The following RAB11FIP1 variants were observed in gnomAD, a reference collection of about 807,000 sequenced individuals.
RAB11FIP1 encodes rab11 family-interacting protein 1.
RAB11FIP1 carries 49 observed loss-of-function variants against 83.1 expected under a neutral mutation model. That is an observed-to-expected ratio of 0.59 (90% CI 0.47 to 0.75). The LOEUF is 0.75. Ranked by LOEUF, RAB11FIP1 falls within the 30% of genes least tolerant of loss-of-function variation. RAB11FIP1 has a pLI of 0.00. For missense variants in RAB11FIP1, 1,536 were observed against 1,598.7 expected (o/e 0.96, Z 0.67); for synonymous variants, 670 against 656.0 (o/e 1.02, Z -0.33).
intron 1 of RAB11FIP1, among the ~76,000 whole-genome samples, chr8:37,892,327 A>AGAATGG (rs1466657061): frequency 6.6e-6 from 1 of 152,120 alleles, no homozygotes; most frequent in East Asian, 1.9e-4. Flanking sequence ...TTGTCTGTCC[A>AGAATGG]ATTCTAGGTT....
intron 1 of RAB11FIP1, among the ~76,000 whole-genome samples, chr8:37,894,651 C>T (rs987822638): frequency 6.7e-6 from 1 of 150,070 alleles, no homozygotes; most frequent in Non-Finnish European, 1.5e-5. Context: ...AATTTTGTTG[C>T]TCTTAGTATC....
Position 37,877,138 on chromosome 8 carries a change from T to C in RAB11FIP1, c.785A>G (p.Asn262Ser), listed in dbSNP as rs1806632186. The change falls in exon 2 of 6, where the codon AAT becomes AGT. Residue 262 changes from asparagine to serine, a missense_variant. Asn to Ser is a conservative substitution (Grantham distance 46). Coordinates refer to ENST00000330843, the MANE Select transcript of RAB11FIP1 (RefSeq NM_001002814.3). ...DFQSQWDEDDNEDESSSASDV... is the reference protein window; with the variant it reads ...DFQSQWDEDDSEDESSSASDV... ...CGAGGCCGAGGAGGACTCATCCTCA[T>C]TGTCATCTTCATCCCACTGGGACTG... is the stretch of plus-strand genomic sequence containing the variant. 6.2e-7 allele frequency: 1 copy of C among 1,613,944 alleles called. No homozygotes were observed. Among genetic ancestry groups the C allele is most frequent in the East Asian group, 2.2e-5 (1 of 44,864 alleles).
chr8:37,871,968 G>A lies in RAB11FIP1; in HGVS notation c.2834C>T (p.Ser945Leu), dbSNP rs769171713. ...GGCCATGATTGGAGATTTAAAATCTGAGACCAACTGAAGGTCACTCAAGGG... is the reference window on the plus strand; with the variant it reads ...GGCCATGATTGGAGATTTAAAATCTAAGACCAACTGAAGGTCACTCAAGGG... ...SDPLSDLQLV[S>L]DFKSPIMADL... The change falls in exon 4 of 6, where the codon TCA (serine) becomes TTA (leucine). Residue 945 changes from serine (S) to leucine (L), a missense_variant. Transcript: ENST00000330843. 1 of 1,614,068 alleles carries A rather than the reference G, an allele frequency of 6.2e-7. No individual in the cohort carries two copies. Among genetic ancestry groups the A allele is most frequent in the Admixed American group, 1.7e-5 (1 of 59,998 alleles).
At position 37,877,112 on chromosome 8, in the gene RAB11FIP1, C is replaced by T; in HGVS notation, c.811G>A (p.Asp271Asn). The change falls in exon 2 of 6, where the codon GAT becomes AAT. Residue 271 changes from aspartate (D) to asparagine (N), a missense_variant. Physicochemically the swap from Asp to Asn is conservative, Grantham distance 23. Transcript: ENST00000330843. ...GCAGGAAGAGGCAGAAACTCACCAT[C>T]CGAGGCCGAGGAGGACTCATCCTCA... ...DNEDESSSAS[D>N]VMSHKRTAST... The T allele has an allele frequency of 6.2e-7, 1 of 1,607,930 alleles. No individual in the cohort carries two copies. Among genetic ancestry groups the T allele is most frequent in the Non-Finnish European group, 8.5e-7 (1 of 1,174,916 alleles).
chr8:37,861,377 T>C lies in RAB11FIP1; in HGVS notation c.*1518A>G, dbSNP rs1421375210. ...GTTTTCTACTGACTTTTAACTTTTA[T>C]TAACTACATTAAGCCCTTCACTACA... On this transcript the variant is annotated 3_prime_UTR_variant, in exon 6 of 6. Coordinates refer to ENST00000330843, the MANE Select transcript of RAB11FIP1 (RefSeq NM_001002814.3). 1.8e-5 allele frequency: 5 copies of C among 278,620 alleles called. No individual in the cohort carries two copies. Among genetic ancestry groups the C allele is most frequent in the African/African-American group, 2.3e-5 (1 of 42,924 alleles). The allele number at this position is 278,620 out of a possible 1,614,324, so 17.3% of individuals were successfully genotyped here.
chr8:37,866,680 A>T (rs201250283), intron 5 of RAB11FIP1, among the ~76,000 whole-genome samples: 1 of 9,624 alleles, frequency 1.0e-4, no homozygotes. Flanking sequence ...CCAAGAAAAG[A>T]AAAAAAAAAA....
chr8:37,889,927 G>A (rs1441216243), intron 1 of RAB11FIP1, among the ~76,000 whole-genome samples: 1 of 152,092 alleles, frequency 6.6e-6, no homozygotes, highest in Non-Finnish European at 1.5e-5. Context: ...GGGATAACAG[G>A]TGCCCGCCAC....
intron 5 of RAB11FIP1, among the ~76,000 whole-genome samples, chr8:37,867,530 C>A (rs1806362138): frequency 6.6e-6 from 1 of 152,056 alleles, no homozygotes; most frequent in South Asian, 2.1e-4. Context: ...CATGGTAGAA[C>A]CCCGTCTCTA....
chr8:37,861,391 C>A lies in RAB11FIP1; in HGVS notation c.*1504G>T. 2 of 329,418 alleles carry A rather than the reference C, an allele frequency of 6.1e-6. No homozygotes were observed. Among genetic ancestry groups the A allele is most frequent in the Non-Finnish European group, 1.2e-5 (2 of 169,666 alleles). The allele number at this position is 329,418 out of a possible 1,614,324, so 20.4% of individuals were successfully genotyped here. A position where few individuals can be genotyped will look rare whatever the true frequency, so the allele number is the denominator to read the frequency against. Reference sequence around the variant, plus strand: ...TTTAACTTTTATTAACTACATTAAGCCCTTCACTACAATTTCCCCAGTATC... The same window carrying A: ...TTTAACTTTTATTAACTACATTAAGACCTTCACTACAATTTCCCCAGTATC... On this transcript the variant is annotated 3_prime_UTR_variant, in exon 6 of 6. Transcript: ENST00000330843.
At chr8:37,894,307 A>G (rs1287977827) in intron 1 of RAB11FIP1, among the ~76,000 whole-genome samples, 1 of 151,448 alleles carries the variant, frequency 6.6e-6, no homozygotes, top group Admixed American at 6.6e-5. Context: ...TCTGCATCCA[A>G]CTCTCCCAGA....
intron 1 of RAB11FIP1, among the ~76,000 whole-genome samples, chr8:37,890,232 C>T (rs1436573365): frequency 1.3e-5 from 2 of 152,244 alleles, no homozygotes; most frequent in Non-Finnish European, 2.9e-5. Flanking sequence ...GTATTTCACA[C>T]AGGATGCCCA....
intron 1 of RAB11FIP1, among the ~76,000 whole-genome samples, chr8:37,895,260 T>TATATATATATATATATATATATATATA (rs1232747968): frequency 2.3e-4 from 1 of 4,330 alleles, no homozygotes; most frequent in Non-Finnish European, 3.8e-4. Flanking sequence ...TATATATATA[T>TATATATATATATATATATATATATATA]TTTTTTTTTT....
At chr8:37,869,862 TC>T (rs1245977016) in intron 5 of RAB11FIP1, among the ~76,000 whole-genome samples, 2 of 152,198 alleles carry the variant, frequency 1.3e-5, no homozygotes. Context: ...TTTGTACTGT[TC>T]CTGCAACTTT....
In RAB11FIP1 at chr8:37,877,406, G is replaced by A; in HGVS notation, c.517C>T (p.Leu173=). Residue 173 remains leucine (L), a synonymous_variant, in exon 2 of 6, where the codon CTG becomes TTG. Coordinates refer to ENST00000330843, the MANE Select transcript of RAB11FIP1 (RefSeq NM_001002814.3). The part of the protein sequence containing the change: ...KDKSRNPFGK[L]KDKIKGKNKD... ...TTCTTCCCCTTGATCTTGTCCTTCA[G>A]CTTTCCAAATGGATTCCGAGACTTG... 1 of 1,614,134 alleles carries A rather than the reference G, an allele frequency of 6.2e-7. No individual in the cohort carries two copies. Among genetic ancestry groups the A allele is most frequent in the South Asian group, 1.1e-5 (1 of 91,084 alleles).
chr8:37,898,088 A>C (rs1252443913), intron 1 of RAB11FIP1, among the ~76,000 whole-genome samples: 1 of 152,224 alleles, frequency 6.6e-6, no homozygotes, highest in Non-Finnish European at 1.5e-5. Flanking sequence ...CACCCAAGCG[A>C]AGGCGAGTAT....
chr8:37,879,324 C>CA (rs969764057), intron 1 of RAB11FIP1, among the ~76,000 whole-genome samples: 27 of 145,228 alleles, frequency 1.9e-4, no homozygotes, highest in South Asian at 1.3e-3. Flanking sequence ...TCAAAAAAAA[C>CA]AAAAAAAAAA....
chr8:37,882,214 T>C (rs767485190), intron 1 of RAB11FIP1, among the ~76,000 whole-genome samples: 113 of 152,298 alleles, frequency 7.4e-4, no homozygotes, highest in Non-Finnish European at 1.2e-3. Flanking sequence ...GTCAGAGGCA[T>C]TCAAACCAGT....
chr8:37,892,999 T>C (rs1244145099), intron 1 of RAB11FIP1, among the ~76,000 whole-genome samples: 2 of 152,176 alleles, frequency 1.3e-5, no homozygotes, highest in Non-Finnish European at 2.9e-5. Flanking sequence ...TCCTGCCCTT[T>C]TCTTCTATAA....
intron 1 of RAB11FIP1, among the ~76,000 whole-genome samples, chr8:37,880,848 A>G (rs1282317204): frequency 6.6e-6 from 1 of 152,144 alleles, no homozygotes; most frequent in Admixed American, 6.5e-5. Context: ...CCTGGTCTAT[A>G]GTGAGCTGTC....
Sources: allele counts gnomAD v4.1 joint callset (sites outside exome capture counted in the v4.1 genomes callset), GRCh38; gene constraint gnomAD v4.1.1; transcripts MANE v1.5; gene names NCBI Gene and HGNC (gene_info 2026-07-23, HGNC 2026-07-21).